The following SGMS1 variants were observed in gnomAD, a reference collection of about 807,000 sequenced individuals.
SGMS1 encodes the protein sphingomyelin synthase 1, also known as phosphatidylcholine:ceramide cholinephosphotransferase 1.
Under a neutral mutation model 46.2 loss-of-function variants are expected in SGMS1, and 13 were observed. That is an observed-to-expected ratio of 0.28 (90% CI 0.18 to 0.45). SGMS1 has a LOEUF of 0.45. Among genes scored for constraint, SGMS1 ranks in the 20% least tolerant of loss-of-function variants. The probability of loss-of-function intolerance (pLI) is 1.00; values close to 1 mark genes in which losing one functional copy is unlikely to be tolerated. For missense variants in SGMS1, 324 were observed against 519.9 expected, an observed-to-expected ratio of 0.62 and a Z score of 3.66; for synonymous variants, 203 against 187.8, an observed-to-expected ratio of 1.08 and a Z score of -0.66.
At chr10:50,433,836 T>C (rs1213625674) in intron 5 of SGMS1, among the ~76,000 whole-genome samples, 1 of 152,174 alleles carries the variant, frequency 6.6e-6, no homozygotes, top group Non-Finnish European at 1.5e-5. Flanking sequence ...ACCTAGTCTG[T>C]TTCCCAGGCG....
rs147028586 is a variant in SGMS1 at position 50,537,017 on chromosome 10, G to T, written c.-588-17096C>A. Among the ~76,000 whole-genome samples the T allele has an allele frequency of 4.0e-4, 61 of 152,262 alleles. 1 individual carries two copies. In the East Asian group the frequency reaches 0.012, roughly 29 times the overall value. On this transcript the variant is annotated intron_variant, in intron 2 of 10. Transcript: ENST00000361781. ...CAGAGAGACAAAGGGTTGACACATT[G>T]CTTCTTGTTTGGTCCCCAGGCCTTC... is the stretch of plus-strand genomic sequence containing the variant.
chr10:50,492,527 A>C (rs1211915144), intron 3 of SGMS1, among the ~76,000 whole-genome samples: 1 of 152,228 alleles, frequency 6.6e-6, no homozygotes, highest in Non-Finnish European at 1.5e-5. Context: ...ACCAAGAGCC[A>C]AATCAGGAAC....
chr10:50,309,951 C>A (rs1228556769), intron 9 of SGMS1, among the ~76,000 whole-genome samples: 1 of 152,180 alleles, frequency 6.6e-6, no homozygotes, highest in Non-Finnish European at 1.5e-5. Flanking sequence ...AATCTCCTAA[C>A]TTTTCTCCCG....
intron 6 of SGMS1, among the ~76,000 whole-genome samples, chr10:50,400,109 G>C (rs1428818872): frequency 6.6e-6 from 1 of 151,462 alleles, no homozygotes; most frequent in South Asian, 2.1e-4. Context: ...CTGGTTAGAT[G>C]GGTTTTACAT....
At chr10:50,617,177 G>A (rs542573539) in intron 1 of SGMS1, among the ~76,000 whole-genome samples, 9 of 152,012 alleles carry the variant, frequency 5.9e-5, no homozygotes, top group Non-Finnish European at 1.2e-4. Flanking sequence ...AATGCATAGT[G>A]GTGACAACAA....
intron 6 of SGMS1, among the ~76,000 whole-genome samples, chr10:50,362,516 G>A (rs1848265858): frequency 1.3e-5 from 2 of 152,266 alleles, no homozygotes; most frequent in East Asian, 3.9e-4. Context: ...AAATTTCCAA[G>A]CCAAGAAATT....
chr10:50,570,621 T>C (rs373615923), intron 2 of SGMS1, among the ~76,000 whole-genome samples: 59 of 152,308 alleles, frequency 3.9e-4, no homozygotes, highest in African/African-American at 1.4e-3. Flanking sequence ...TTGAGGGCCT[T>C]TTGATTCTCT....
intron 6 of SGMS1, chr10:50,418,480 G>A (rs1319811037): frequency 1.3e-5 from 2 of 152,284 alleles, no homozygotes; most frequent in Non-Finnish European, 2.9e-5. Context: ...AAAAAGAAAT[G>A]AGTCAGCCCG....
chr10:50,430,951 A>C (rs544910221), intron 6 of SGMS1, among the ~76,000 whole-genome samples: 42 of 152,216 alleles, frequency 2.8e-4, no homozygotes, highest in African/African-American at 9.1e-4. Flanking sequence ...ACGCTATAAA[A>C]TTTGCGCATC....
intron 6 of SGMS1, among the ~76,000 whole-genome samples, chr10:50,392,543 G>A (rs1449880097): frequency 6.6e-6 from 1 of 152,172 alleles, no homozygotes; most frequent in African/African-American, 2.4e-5. Flanking sequence ...TACCAGCAGA[G>A]CTGTCTTCCT....
At chr10:50,441,066 A>G (rs1849541076) in intron 5 of SGMS1, among the ~76,000 whole-genome samples, 1 of 152,256 alleles carries the variant, frequency 6.6e-6, no homozygotes, top group Non-Finnish European at 1.5e-5. Flanking sequence ...ACGACATTGC[A>G]TGAAATGCAT....
At chr10:50,315,085 A>G (rs1847317975) in intron 8 of SGMS1, among the ~76,000 whole-genome samples, 1 of 152,206 alleles carries the variant, frequency 6.6e-6, no homozygotes, top group South Asian at 2.1e-4. Flanking sequence ...GGTAATTTAA[A>G]TGCACATTAA....
intron 6 of SGMS1, among the ~76,000 whole-genome samples, chr10:50,416,102 A>C (rs1849165905): frequency 6.6e-6 from 1 of 152,174 alleles, no homozygotes; most frequent in Non-Finnish European, 1.5e-5. Flanking sequence ...AATTCCTTGA[A>C]CTTTGATAAT....
intron 5 of SGMS1, among the ~76,000 whole-genome samples, chr10:50,453,837 A>AGGGG (rs1564918307): frequency 3.2e-4 from 2 of 6,198 alleles, no homozygotes; most frequent in African/African-American, 1.4e-3. Context: ...GGGAGGGGAG[A>AGGGG]GGAGGGAGGG....
chr10:50,463,309 C>G (rs572543280), intron 4 of SGMS1, among the ~76,000 whole-genome samples: 1 of 151,968 alleles, frequency 6.6e-6, no homozygotes, highest in South Asian at 2.1e-4. Context: ...TAAAGAATGC[C>G]CACAATTCAA....
intron 7 of SGMS1, chr10:50,340,493 T>C (rs991071878): frequency 1.3e-5 from 2 of 152,230 alleles, no homozygotes; most frequent in Non-Finnish European, 1.5e-5. Flanking sequence ...TTATTTACAA[T>C]TGTAAAAACC....
chr10:50,568,359 A>G (rs1189422887), intron 2 of SGMS1, among the ~76,000 whole-genome samples: 1 of 152,252 alleles, frequency 6.6e-6, no homozygotes. Flanking sequence ...AGGAATGAAC[A>G]CTTGAAAGAA....
chr10:50,499,521 C>CAT (rs1309894799), intron 3 of SGMS1, among the ~76,000 whole-genome samples: 3 of 152,138 alleles, frequency 2.0e-5, no homozygotes, highest in African/African-American at 7.2e-5. Context: ...TTTTACAATT[C>CAT]ATATATATAC....
At chr10:50,482,970 A>C (rs1305898311) in intron 3 of SGMS1, among the ~76,000 whole-genome samples, 5 of 152,252 alleles carry the variant, frequency 3.3e-5, no homozygotes, top group Admixed American at 3.3e-4. Context: ...AAGGCATTAC[A>C]TAATGGTAAA....
Sources: gnomAD v4.1 joint callset for allele counts (sites outside exome capture counted in the v4.1 genomes callset) on GRCh38, gnomAD v4.1.1 for gene constraint, MANE v1.5 for transcripts, NCBI Gene and HGNC (gene_info 2026-07-23, HGNC 2026-07-21) for gene names.